The following JAKMIP2 variants were observed in gnomAD, a reference collection of about 807,000 sequenced individuals.
The protein encoded by JAKMIP2 is janus kinase and microtubule interacting protein 2.
A neutral mutation model predicts 115.0 loss-of-function variants in JAKMIP2; 25 were observed. The ratio of observed to expected loss-of-function variants is 0.22; its 90% CI spans 0.16 to 0.30. The LOEUF (loss-of-function observed/expected upper bound fraction) is 0.30. Among genes scored for constraint, JAKMIP2 ranks in the 10% least tolerant of loss-of-function variants. The pLI is 1.00. For missense variants in JAKMIP2, 642 were observed against 957.6 expected (o/e 0.67, Z 4.35); for synonymous variants, 334 against 343.6 (o/e 0.97, Z 0.31).
intron 1 of JAKMIP2, among the ~76,000 whole-genome samples, chr5:147,724,079 G>C (rs775325653): frequency 6.6e-6 from 1 of 152,150 alleles, no homozygotes; most frequent in Non-Finnish European, 1.5e-5. Flanking sequence ...ACTGAAAGAG[G>C]ATAGGGCTAC....
At chr5:147,595,438 AG>A (rs773087396) in intron 21 of JAKMIP2, 7 of 456,808 alleles carry the variant, frequency 1.5e-5, no homozygotes, top group South Asian at 1.1e-4. Flanking sequence ...TGCCCCCTCC[AG>A]GGGATGCAAC....
chr5:147,654,885 C>T (rs553087035), intron 3 of JAKMIP2, among the ~76,000 whole-genome samples: 1 of 152,164 alleles, frequency 6.6e-6, no homozygotes, highest in Non-Finnish European at 1.5e-5. Flanking sequence ...AGGTTTGTTC[C>T]ACCAATACTG....
At chr5:147,676,922 A>C (rs1759998679) in intron 1 of JAKMIP2, among the ~76,000 whole-genome samples, 1 of 152,190 alleles carries the variant, frequency 6.6e-6, no homozygotes, top group Non-Finnish European at 1.5e-5. Flanking sequence ...AGTTACATCA[A>C]AATCTACTTG....
chr5:147,700,449 T>C (rs1752279802), intron 1 of JAKMIP2, among the ~76,000 whole-genome samples: 1 of 152,274 alleles, frequency 6.6e-6, no homozygotes, highest in South Asian at 2.1e-4. Context: ...AAAATATATA[T>C]ACACGGTTAA....
chr5:147,629,361 C>T (rs892304393), intron 15 of JAKMIP2, among the ~76,000 whole-genome samples: 2 of 152,180 alleles, frequency 1.3e-5, no homozygotes, highest in African/African-American at 4.8e-5. Flanking sequence ...GCAGCCTTTG[C>T]AAATGCGTGA....
At chr5:147,602,265 G>T (rs186293608) in intron 20 of JAKMIP2, among the ~76,000 whole-genome samples, 1 of 151,966 alleles carries the variant, frequency 6.6e-6, no homozygotes, top group Non-Finnish European at 1.5e-5. Flanking sequence ...ATCTTTTTTG[G>T]TTACTATGAT....
intron 1 of JAKMIP2, among the ~76,000 whole-genome samples, chr5:147,745,422 G>C (rs1027292331): frequency 2.6e-5 from 4 of 152,102 alleles, no homozygotes; most frequent in Admixed American, 6.6e-5. Context: ...ATCTTGACTT[G>C]CTATCTCTGT....
chr5:147,741,595 G>A (rs970264664), intron 1 of JAKMIP2, among the ~76,000 whole-genome samples: 1 of 152,020 alleles, frequency 6.6e-6, no homozygotes, highest in Non-Finnish European at 1.5e-5. Flanking sequence ...TAGTAAATTT[G>A]TTACTCAATG....
chr5:147,647,964 G>A (rs1000654051), intron 5 of JAKMIP2, among the ~76,000 whole-genome samples: 1 of 152,120 alleles, frequency 6.6e-6, no homozygotes, highest in African/African-American at 2.4e-5. Flanking sequence ...ATAGAGAAAT[G>A]AAAATGAATG....
chr5:147,716,596 C>G (rs75716637), intron 1 of JAKMIP2, among the ~76,000 whole-genome samples: 1 of 151,986 alleles, frequency 6.6e-6, no homozygotes, highest in African/African-American at 2.4e-5. Context: ...TGATGGCCAG[C>G]GATGATGAGC....
intron 2 of JAKMIP2, among the ~76,000 whole-genome samples, chr5:147,665,104 G>A (rs1286267253): frequency 6.6e-6 from 1 of 152,136 alleles, no homozygotes; most frequent in Admixed American, 6.5e-5. Flanking sequence ...ATGGAAGTGG[G>A]CATCTTCTAG....
intron 2 of JAKMIP2, among the ~76,000 whole-genome samples, chr5:147,662,546 C>T (rs532388696): frequency 1.1e-4 from 17 of 152,150 alleles, no homozygotes; most frequent in Middle Eastern, 3.4e-3. Flanking sequence ...ATTTGTGTCT[C>T]GAAAAAGCCT....
rs1234118423 is a variant in JAKMIP2, at chr5:147,587,408, A to AGAAAT, written c.*4298_*4299insATTTC. The AGAAAT allele has an allele frequency of 1.0e-5, 1 of 97,402 alleles. No homozygotes were observed. The highest frequency in any genetic ancestry group is 2.2e-5 in the Non-Finnish European group (1 of 46,004). The allele number at this position is 97,402 out of a possible 1,614,324, so 6.0% of individuals were successfully genotyped here. ...CTCCCAAATTACAGAGCAAATTTCTATTGCTCTGTGTGTGTGTGTGTGTGT... is the reference window on the plus strand; with the variant it reads ...CTCCCAAATTACAGAGCAAATTTCTAGAAATTTGCTCTGTGTGTGTGTGTGTGTGT... On this transcript the variant is annotated 3_prime_UTR_variant, in exon 22 of 22. Coordinates refer to ENST00000616793, the MANE Select transcript of JAKMIP2 (RefSeq NM_001270941.2).
In JAKMIP2 at chr5:147,589,874, C is replaced by T. The variant is rs568441006; in HGVS notation, c.*1833G>A. On this transcript the variant is annotated 3_prime_UTR_variant, in exon 22 of 22. Transcript: ENST00000616793. ...TTACATGAGGGAATCTTTTTGTCAACAACACAAGAAAGTCAAATAATACAG... is the reference window on the plus strand; with the variant it reads ...TTACATGAGGGAATCTTTTTGTCAATAACACAAGAAAGTCAAATAATACAG... 23 of 152,244 alleles carry T rather than the reference C, an allele frequency of 1.5e-4. No homozygotes were observed. Among genetic ancestry groups the T allele is most frequent in the African/African-American group, 5.3e-4 (22 of 41,572 alleles). 9.4% of individuals were successfully genotyped at this position (152,244 alleles called of 1,614,324 possible).
At position 147,637,002 on chromosome 5, in the gene JAKMIP2, A is replaced by G. The variant is rs1455523113; in HGVS notation, c.1577T>C (p.Ile526Thr). The change falls in exon 11 of 22, where the codon ATT becomes ACT. Residue 526 changes from isoleucine (I) to threonine (T), a missense_variant. Physicochemically the swap from Ile to Thr is moderately conservative, Grantham distance 89. Coordinates refer to ENST00000616793, the MANE Select transcript of JAKMIP2 (RefSeq NM_001270941.2). Reference protein sequence around the residue: ...QAEVLRYKAKIEDLEATLAQK... With the variant: ...QAEVLRYKAKTEDLEATLAQK... ...AGCCAGAGTCGCTTCCAGGTCTTCA[A>G]TTTTGGCTTTATACCTTAGCACCTC... 2.3e-6 allele frequency: 2 copies of G among 872,820 alleles called. No individual in the cohort carries two copies. The highest frequency in any genetic ancestry group is 4.0e-6 in the Non-Finnish European group (2 of 501,680). The allele number at this position is 872,820 out of a possible 1,614,324, so 54.1% of individuals were successfully genotyped here.
intron 1 of JAKMIP2, among the ~76,000 whole-genome samples, chr5:147,706,102 C>T (rs997808428): frequency 2.0e-5 from 3 of 151,996 alleles, no homozygotes; most frequent in African/African-American, 7.2e-5. Context: ...TGGAAATAAC[C>T]TAAATATTAG....
At chr5:147,653,747 G>A (rs1384400429) in intron 3 of JAKMIP2, among the ~76,000 whole-genome samples, 1 of 152,132 alleles carries the variant, frequency 6.6e-6, no homozygotes, top group African/African-American at 2.4e-5. Context: ...GGCAATTGTT[G>A]CAATTACTTT....
chr5:147,742,623 G>T (rs573840347), intron 1 of JAKMIP2, among the ~76,000 whole-genome samples: 2 of 152,300 alleles, frequency 1.3e-5, no homozygotes, highest in South Asian at 4.1e-4. Context: ...GGAATAGAGA[G>T]ATGGGGGTTA....
intron 21 of JAKMIP2, among the ~76,000 whole-genome samples, chr5:147,592,055 G>C (rs1755123847): frequency 6.6e-6 from 1 of 152,070 alleles, no homozygotes; most frequent in South Asian, 2.1e-4. Context: ...TTTTATTTTT[G>C]AAACTTATTT....
Sources: gnomAD v4.1 joint callset for allele counts (sites outside exome capture counted in the v4.1 genomes callset) on GRCh38, gnomAD v4.1.1 for gene constraint, MANE v1.5 for transcripts, NCBI Gene and HGNC (gene_info 2026-07-23, HGNC 2026-07-21) for gene names.